The following PABPC4L variants were observed in gnomAD, a reference collection of about 807,000 sequenced individuals.
PABPC4L encodes the protein polyadenylate-binding protein 4-like.
For synonymous variants in PABPC4L, 169 were observed against 164.1 expected (o/e 1.03, Z -0.23); for missense variants, 452 against 451.4 (o/e 1.00, Z -0.01).
the PABPC4L span, among the ~76,000 whole-genome samples, chr4:134,082,309 A>C: frequency 6.6e-6 from 1 of 151,496 alleles, no homozygotes; most frequent in South Asian, 2.1e-4. Flanking sequence ...TTCTTTTTTG[A>C]AAAAAAAGAT....
the PABPC4L span, among the ~76,000 whole-genome samples, chr4:134,107,500 A>C: frequency 3.3e-5 from 5 of 151,740 alleles, 1 homozygote; most frequent in Admixed American, 2.6e-4. Flanking sequence ...TGTACTGTAT[A>C]CATTAAAGTG....
At chr4:134,172,616 T>C in the PABPC4L span, among the ~76,000 whole-genome samples, 1 of 152,018 alleles carries the variant, frequency 6.6e-6, no homozygotes, top group Non-Finnish European at 1.5e-5. Context: ...GATTTCATGA[T>C]GAAGATGCCA....
chr4:134,147,800 T>G, the PABPC4L span, among the ~76,000 whole-genome samples: 1 of 151,604 alleles, frequency 6.6e-6, no homozygotes, highest in Admixed American at 6.6e-5. Context: ...TTAAAATAAG[T>G]GTTTGAATGC....
At chr4:134,023,889 A>C in the PABPC4L span, among the ~76,000 whole-genome samples, 3 of 152,140 alleles carry the variant, frequency 2.0e-5, no homozygotes, top group Admixed American at 1.3e-4. Flanking sequence ...GGAATAAGTA[A>C]TTGAAGAAAG....
At chr4:134,159,691 T>C in the PABPC4L span, among the ~76,000 whole-genome samples, 1 of 151,958 alleles carries the variant, frequency 6.6e-6, no homozygotes, top group African/African-American at 2.4e-5. Context: ...CCAAATAAAT[T>C]TCAGTGTCAG....
chr4:134,174,225 A>G, the PABPC4L span, among the ~76,000 whole-genome samples: 1 of 152,020 alleles, frequency 6.6e-6, no homozygotes, highest in Admixed American at 6.6e-5. Flanking sequence ...ATCATCTCCT[A>G]TCATAATGTC....
chr4:134,063,660 A>G, the PABPC4L span, among the ~76,000 whole-genome samples: 1 of 152,062 alleles, frequency 6.6e-6, no homozygotes, highest in Non-Finnish European at 1.5e-5. Context: ...TATTTTTAAA[A>G]AGGAAACTGT....
At chr4:134,043,443 A>T in the PABPC4L span, among the ~76,000 whole-genome samples, 1 of 152,072 alleles carries the variant, frequency 6.6e-6, no homozygotes, top group African/African-American at 2.4e-5. Context: ...AATTTGCCAC[A>T]TCAGGTGGTT....
At chr4:134,122,891 T>C in the PABPC4L span, among the ~76,000 whole-genome samples, 2 of 152,000 alleles carry the variant, frequency 1.3e-5, no homozygotes, top group African/African-American at 4.8e-5. Context: ...TATACATATA[T>C]TAACTATTTG....
chr4:134,060,466 G>C, the PABPC4L span, among the ~76,000 whole-genome samples: 1 of 151,414 alleles, frequency 6.6e-6, no homozygotes, highest in African/African-American at 2.4e-5. Flanking sequence ...GGAAAAGAAA[G>C]AGTAAAGAGG....
the PABPC4L span, among the ~76,000 whole-genome samples, chr4:133,977,250 T>C: frequency 1.3e-5 from 2 of 152,096 alleles, no homozygotes; most frequent in African/African-American, 4.8e-5. Flanking sequence ...TTCTGAGTTC[T>C]CTATTCTTTC....
chr4:134,080,238 C>G, the PABPC4L span, among the ~76,000 whole-genome samples: 1 of 152,164 alleles, frequency 6.6e-6, no homozygotes, highest in East Asian at 1.9e-4. Flanking sequence ...TCTACCTTAA[C>G]TACTTTGACC....
chr4:134,182,520 C>A, the PABPC4L span, among the ~76,000 whole-genome samples: 1 of 151,872 alleles, frequency 6.6e-6, no homozygotes, highest in Admixed American at 6.6e-5. Context: ...CTAGGAAGTA[C>A]CATTCTGGAC....
At chr4:134,185,108 T>C in the PABPC4L span, among the ~76,000 whole-genome samples, 2 of 152,014 alleles carry the variant, frequency 1.3e-5, no homozygotes, top group Non-Finnish European at 2.9e-5. Context: ...TAACTTGTCT[T>C]CTCATTCTCT....
At chr4:134,053,960 A>G in the PABPC4L span, among the ~76,000 whole-genome samples, 5 of 151,812 alleles carry the variant, frequency 3.3e-5, no homozygotes, top group African/African-American at 4.8e-5. Flanking sequence ...AGAACCTTAA[A>G]CACAAAATCC....
chr4:134,064,954 C>G, the PABPC4L span, among the ~76,000 whole-genome samples: 1 of 151,878 alleles, frequency 6.6e-6, no homozygotes, highest in African/African-American at 2.4e-5. Context: ...GTGTAGTATC[C>G]CATGGTCTAT....
chr4:134,194,769 G>T (rs1473441393), downstream of PABPC4L, among the ~76,000 whole-genome samples: 1 of 151,658 alleles, frequency 6.6e-6, no homozygotes, highest in Non-Finnish European at 1.5e-5. Flanking sequence ...TAAAAGAGTT[G>T]AAACAAGACC....
At chr4:134,007,602 A>G in the PABPC4L span, among the ~76,000 whole-genome samples, 1 of 151,654 alleles carries the variant, frequency 6.6e-6, no homozygotes, top group Non-Finnish European at 1.5e-5. Context: ...TAGATTCCAT[A>G]TGAGATTATA....
At chr4:134,078,822 T>C in the PABPC4L span, among the ~76,000 whole-genome samples, 3 of 151,048 alleles carry the variant, frequency 2.0e-5, no homozygotes, top group Non-Finnish European at 4.4e-5. Context: ...CTGGCTAATT[T>C]TTTTTTCTTT....
Sources: allele counts gnomAD v4.1 joint callset (sites outside exome capture counted in the v4.1 genomes callset), GRCh38; gene constraint gnomAD v4.1.1; transcripts MANE v1.5; gene names NCBI Gene and HGNC (gene_info 2026-07-23, HGNC 2026-07-21).